The following PDE10A variants were observed in gnomAD, a reference collection of about 807,000 sequenced individuals.
PDE10A encodes the protein phosphodiesterase 10A, also known as cAMP and cAMP-inhibited cGMP 3',5'-cyclic phosphodiesterase 10A.
A neutral mutation model predicts 97.7 loss-of-function variants in PDE10A; 39 were observed. The ratio of observed to expected loss-of-function variants is 0.40; its 90% CI spans 0.31 to 0.52. The LOEUF is 0.52. Ranked by LOEUF, PDE10A falls within the 20% of genes least tolerant of loss-of-function variation. The probability of loss-of-function intolerance (pLI) is 0.56; values close to 1 mark genes in which losing one functional copy is unlikely to be tolerated. For missense variants in PDE10A, 731 were observed against 1,047.8 expected, an observed-to-expected ratio of 0.70 and a Z score of 4.17; for synonymous variants, 371 against 376.8, an observed-to-expected ratio of 0.98 and a Z score of 0.18.
chr6:165,863,556 C>T (rs1270889968), intron 1 of PDE10A, among the ~76,000 whole-genome samples: 1 of 152,160 alleles, frequency 6.6e-6, no homozygotes, highest in Admixed American at 6.5e-5. Context: ...ACATTCATTT[C>T]CTTTCTCCCA....
Position 165,413,694 on chromosome 6 carries a change from G to A in PDE10A, c.1890-7C>T. 1 of 1,602,684 alleles carries A rather than the reference G, an allele frequency of 6.2e-7. No homozygotes were observed. Among genetic ancestry groups the A allele is most frequent in the South Asian group, 1.1e-5 (1 of 89,638 alleles). Reference sequence around the variant, plus strand: ...TGTGTACAAGTCTACTTCTCTGTGGGGTGACAGAACCAAAAATAACAACAA... The same window carrying A: ...TGTGTACAAGTCTACTTCTCTGTGGAGTGACAGAACCAAAAATAACAACAA... On this transcript the variant is annotated splice_polypyrimidine_tract_variant and splice_region_variant and intron_variant, in intron 12 of 21. Transcript: ENST00000539869.
intron 17 of PDE10A, among the ~76,000 whole-genome samples, chr6:165,381,631 A>ATTT (rs547827126): frequency 5.9e-5 from 7 of 118,680 alleles, no homozygotes; most frequent in East Asian, 2.4e-4. Context: ...CACCTGGCTA[A>ATTT]TTTTTTTTTT....
At chr6:165,593,013 G>A (rs574261224) in intron 1 of PDE10A, among the ~76,000 whole-genome samples, 3 of 152,184 alleles carry the variant, frequency 2.0e-5, no homozygotes, top group East Asian at 1.9e-4. Flanking sequence ...TGTTTATTGC[G>A]GCACTGTTCA....
intron 1 of PDE10A, among the ~76,000 whole-genome samples, chr6:165,599,335 C>G (rs1786794510): frequency 1.3e-5 from 2 of 152,224 alleles, no homozygotes; most frequent in Admixed American, 6.5e-5. Context: ...TCAACTCACT[C>G]CCTCGCAATA....
intron 1 of PDE10A, among the ~76,000 whole-genome samples, chr6:165,916,980 G>T (rs1782623552): frequency 6.6e-6 from 1 of 152,190 alleles, no homozygotes; most frequent in African/African-American, 2.4e-5. Flanking sequence ...AAATGGCTTA[G>T]ATCGCTGGAA....
chr6:165,762,186 C>T (rs966594410), intron 1 of PDE10A, among the ~76,000 whole-genome samples: 3 of 152,226 alleles, frequency 2.0e-5, no homozygotes, highest in Admixed American at 6.5e-5. Context: ...CTTCTCTTCC[C>T]TACTTCTCCC....
At chr6:165,565,946 G>A (rs1287944098) in intron 1 of PDE10A, among the ~76,000 whole-genome samples, 1 of 152,052 alleles carries the variant, frequency 6.6e-6, no homozygotes, top group Non-Finnish European at 1.5e-5. Context: ...ATGGATCATA[G>A]ACTTAAATGT....
chr6:165,703,496 A>G (rs1377383791), intron 1 of PDE10A, among the ~76,000 whole-genome samples: 1 of 152,246 alleles, frequency 6.6e-6, no homozygotes, highest in African/African-American at 2.4e-5. Context: ...CATTCTGAAG[A>G]AAAGTTATGC....
At chr6:165,591,987 T>C (rs1317669241) in intron 1 of PDE10A, among the ~76,000 whole-genome samples, 2 of 152,172 alleles carry the variant, frequency 1.3e-5, no homozygotes, top group African/African-American at 4.8e-5. Flanking sequence ...AATCCTTACA[T>C]ATATATGATA....
chr6:165,453,211 T>C (rs1225803829), intron 3 of PDE10A, among the ~76,000 whole-genome samples: 1 of 152,056 alleles, frequency 6.6e-6, no homozygotes, highest in African/African-American at 2.4e-5. Context: ...TAACTGCACA[T>C]AGTAAGATGT....
chr6:165,579,930 A>G (rs1785517693), intron 1 of PDE10A, among the ~76,000 whole-genome samples: 2 of 152,144 alleles, frequency 1.3e-5, no homozygotes, highest in Admixed American at 1.3e-4. Context: ...TGAGAGCTAC[A>G]TGGTATTTAA....
intron 2 of PDE10A, among the ~76,000 whole-genome samples, chr6:165,493,668 A>G (rs1036625233): frequency 3.3e-5 from 5 of 152,352 alleles, no homozygotes; most frequent in Admixed American, 2.0e-4. Flanking sequence ...TTATACAAAA[A>G]TCAACTCAAG....
rs535902668 is a variant in PDE10A, at chr6:165,537,483, T to C, written c.994+5957A>G. Among the ~76,000 whole-genome samples, 58 of 152,156 alleles carry C rather than the reference T, an allele frequency of 3.8e-4. 1 individual carries two copies. Among genetic ancestry groups the C allele is most frequent in the African/African-American group, 1.3e-3 (56 of 41,550 alleles). ...TATCTCAATTACCCAGATTTGATTA[T>C]TACATTGTATGCTTGTATCAAATAT... is the stretch of plus-strand genomic sequence containing the variant. On this transcript the variant is annotated intron_variant, in intron 2 of 21. Coordinates refer to ENST00000539869, the MANE Select transcript of PDE10A (RefSeq NM_001385079.1).
chr6:165,453,503 G>C (rs1267982615), intron 3 of PDE10A, among the ~76,000 whole-genome samples: 1 of 152,212 alleles, frequency 6.6e-6, no homozygotes, highest in Non-Finnish European at 1.5e-5. Context: ...TGAGGGCAAG[G>C]TTTCCAGAAG....
At chr6:165,731,998 A>C (rs1021108564) in intron 1 of PDE10A, among the ~76,000 whole-genome samples, 1 of 152,196 alleles carries the variant, frequency 6.6e-6, no homozygotes, top group Admixed American at 6.5e-5. Context: ...CTTTTATAAG[A>C]AAATTACGAG....
chr6:165,686,854 C>A (rs774547882), intron 1 of PDE10A, among the ~76,000 whole-genome samples: 24 of 152,214 alleles, frequency 1.6e-4, no homozygotes, highest in Non-Finnish European at 3.4e-4. Context: ...CTGGCTCTTA[C>A]CTAAACGTGT....
At chr6:165,798,462 A>G (rs1197084141) in intron 1 of PDE10A, among the ~76,000 whole-genome samples, 2 of 152,140 alleles carry the variant, frequency 1.3e-5, no homozygotes, top group African/African-American at 4.8e-5. Flanking sequence ...CTCATCCCAG[A>G]CCTCACAGAA....
chr6:165,899,630 A>C (rs1464602989), intron 1 of PDE10A, among the ~76,000 whole-genome samples: 1 of 152,218 alleles, frequency 6.6e-6, no homozygotes, highest in African/African-American at 2.4e-5. Flanking sequence ...TGAACATGGA[A>C]TCCTTTCTAA....
intron 2 of PDE10A, among the ~76,000 whole-genome samples, chr6:165,532,272 G>A (rs1261922150): frequency 6.6e-6 from 1 of 151,110 alleles, no homozygotes; most frequent in Admixed American, 6.6e-5. Context: ...ATTCTCCCAT[G>A]TTTATTCTCC....
Sources: gnomAD v4.1 joint callset for allele counts (sites outside exome capture counted in the v4.1 genomes callset) on GRCh38, gnomAD v4.1.1 for gene constraint, MANE v1.5 for transcripts, NCBI Gene and HGNC (gene_info 2026-07-23, HGNC 2026-07-21) for gene names.